The following IPO5 variants were observed in gnomAD, a reference collection of about 807,000 sequenced individuals.
The protein encoded by IPO5 is importin-5.
In IPO5, 18 loss-of-function variants were observed where a neutral mutation model predicts 143.3. The observed-to-expected ratio is 0.13, with a 90% CI of 0.09 to 0.19. The LOEUF is 0.19. Among genes scored for constraint, IPO5 ranks in the 10% least tolerant of loss-of-function variants. IPO5 has a pLI of 1.00. For missense variants in IPO5, 1,013 were observed against 1,336.9 expected, an observed-to-expected ratio of 0.76 and a Z score of 3.78; for synonymous variants, 477 against 465.7, an observed-to-expected ratio of 1.02 and a Z score of -0.31.
In IPO5 at chr13:98,015,704, CATTT is replaced by C; in HGVS notation, c.2438-17_2438-14del. 1 of 1,603,358 alleles carries C rather than the reference CATTT, an allele frequency of 6.2e-7. No homozygotes were observed. The highest frequency in any genetic ancestry group is 8.5e-7 in the Non-Finnish European group (1 of 1,171,952). ...TGACCATCTTGGCAATCATTTAAAA[CATTT>C]ATTTGGGTGTGTTTTAGTTAAAAGA... On this transcript the variant is annotated intron_variant, in intron 23 of 28. Transcript: ENST00000651721.
intron 3 of IPO5, among the ~76,000 whole-genome samples, chr13:97,975,262 T>A (rs1372690989): frequency 7.3e-6 from 1 of 137,458 alleles, no homozygotes; most frequent in Non-Finnish European, 1.6e-5. Flanking sequence ...CGGGGGGGGC[T>A]GGTATCGCCT....
intron 27 of IPO5, among the ~76,000 whole-genome samples, chr13:98,020,325 A>G (rs1224635204): frequency 1.3e-5 from 2 of 152,206 alleles, no homozygotes; most frequent in Non-Finnish European, 2.9e-5. Flanking sequence ...AAGGGCTACA[A>G]CCACTGCCAC....
intron 2 of IPO5, among the ~76,000 whole-genome samples, chr13:97,956,011 G>A (rs1884429184): frequency 2.0e-5 from 3 of 151,708 alleles, no homozygotes. Flanking sequence ...GGGCACCTGT[G>A]GTCCCAGCTA....
At chr13:98,006,392 T>G in intron 17 of IPO5, 44 bp downstream of exon 17, 2 of 882,080 alleles carry the variant, frequency 2.3e-6, no homozygotes, top group South Asian at 3.6e-5. Flanking sequence ...TTTTTTTTTT[T>G]GAGACAGAGT....
At chr13:97,999,048 G>C (rs1031390172) in intron 12 of IPO5, among the ~76,000 whole-genome samples, 12 of 152,058 alleles carry the variant, frequency 7.9e-5, no homozygotes, top group Admixed American at 7.2e-4. Flanking sequence ...GAAGCTAAGC[G>C]AGGAGAATCT....
At chr13:97,961,338 T>C (rs1445587033) in intron 2 of IPO5, among the ~76,000 whole-genome samples, 1 of 152,166 alleles carries the variant, frequency 6.6e-6, no homozygotes, top group African/African-American at 2.4e-5. Flanking sequence ...CTTGCACATA[T>C]ACCTAGGAGT....
Position 98,002,558 on chromosome 13 carries a change from C to A in IPO5, c.1200C>A (p.Ile400=). 1 of 1,613,742 alleles carries A rather than the reference C, an allele frequency of 6.2e-7. No homozygotes were observed. Among genetic ancestry groups the A allele is most frequent in the Admixed American group, 1.7e-5 (1 of 59,990 alleles). ...HQQMEGILNE[I]VNFVLLFLQD... is the part of the protein sequence containing the mutation. ...AAATGGAAGGAATTCTAAATGAGAT[C>A]GTAAATTTTGTTTTACTTTTTCTCC... The change falls in exon 14 of 29, where the codon ATC becomes ATA. Residue 400 remains isoleucine (I), a synonymous_variant. Coordinates refer to ENST00000651721, the MANE Select transcript of IPO5 (RefSeq NM_002271.6).
intron 12 of IPO5, among the ~76,000 whole-genome samples, chr13:97,998,015 G>A (rs1566525324): frequency 6.6e-6 from 1 of 152,152 alleles, no homozygotes; most frequent in Admixed American, 6.5e-5. Context: ...TCGCTGTGTC[G>A]CCCAGGCTGG....
In IPO5 at chr13:97,976,824, C is replaced by T. The variant is rs570843849; in HGVS notation, c.90+38C>T. The stretch of plus-strand genomic sequence containing the variant: ...GCCGCCCCAGTCTTCGCGCCCTGGC[C>T]GGCGCGCCGACCCTTTACCGACGCC... On this transcript the variant is annotated intron_variant, in intron 4 of 28. Coordinates refer to ENST00000651721, the MANE Select transcript of IPO5 (RefSeq NM_002271.6). The T allele has an allele frequency of 3.1e-6, 3 of 981,234 alleles. No individual in the cohort carries two copies. In the East Asian group the frequency reaches 2.0e-4, roughly 64 times the overall value. The allele number at this position is 981,234 out of a possible 1,614,324, so 60.8% of individuals were successfully genotyped here. A position where few individuals can be genotyped will look rare whatever the true frequency, so the allele number is the denominator to read the frequency against.
chr13:98,012,426 G>A (rs1889786173), intron 21 of IPO5, 84 bp downstream of exon 21: 2 of 833,954 alleles, frequency 2.4e-6, no homozygotes, highest in East Asian at 2.4e-5. Context: ...GTTGACTGAA[G>A]TAGACTTCAC....
intron 2 of IPO5, among the ~76,000 whole-genome samples, chr13:97,962,773 T>C (rs764459279): frequency 6.6e-6 from 1 of 151,468 alleles, no homozygotes; most frequent in African/African-American, 2.4e-5. Context: ...GAGCCAAGAT[T>C]GTGCCACTGC....
rs142171497 is a variant in IPO5, at chr13:97,973,143, A to G, written c.-5+3313A>G. Among the ~76,000 whole-genome samples, 63 of 148,562 alleles carry G rather than the reference A, an allele frequency of 4.2e-4. 1 individual carries two copies. The East Asian group carries it at 0.012, about 29-fold the overall frequency. ...CTGCAACCTCCGTCTCCTGGGTTCAAGCGATTCTCCTGCCTCAGCCTCCAG... is the reference window on the plus strand; with the variant it reads ...CTGCAACCTCCGTCTCCTGGGTTCAGGCGATTCTCCTGCCTCAGCCTCCAG... On this transcript the variant is annotated intron_variant, in intron 3 of 28. Transcript: ENST00000651721.
intron 25 of IPO5, among the ~76,000 whole-genome samples, chr13:98,017,099 A>AT (rs200795329): frequency 0.017 from 2,647 of 152,102 alleles, 95 homozygotes; most frequent in African/African-American, 0.061. Flanking sequence ...TATATAAGTG[A>AT]TTTTTTTTAT....
intron 9 of IPO5, 104 bp from the exon 10 acceptor site, chr13:97,992,788 A>C: frequency 8.4e-7 from 1 of 1,185,538 alleles, no homozygotes. Flanking sequence ...AGTGAAAAAT[A>C]GTTTAGTAAT....
chr13:98,000,329 T>C (rs16954707), intron 12 of IPO5, among the ~76,000 whole-genome samples: 2,893 of 152,178 alleles, frequency 0.019, 87 homozygotes, highest in African/African-American at 0.066. Flanking sequence ...CTTTCTAAAC[T>C]ATGGTGGATC....
chr13:97,983,114 A>T (rs1353354930), intron 5 of IPO5, among the ~76,000 whole-genome samples: 1 of 151,820 alleles, frequency 6.6e-6, no homozygotes, highest in Non-Finnish European at 1.5e-5. Flanking sequence ...CAAGTGATCC[A>T]CCCCCTTCAG....
At chr13:98,016,970 A>C (rs1890157256) in intron 25 of IPO5, 119 bp downstream of exon 25, 1 of 731,904 alleles carries the variant, frequency 1.4e-6, no homozygotes, top group South Asian at 2.6e-5. Context: ...TTTCCATTGT[A>C]CATCTTTGAT....
intron 3 of IPO5, among the ~76,000 whole-genome samples, chr13:97,971,110 G>A (rs913870791): frequency 2.0e-5 from 3 of 152,204 alleles, no homozygotes; most frequent in African/African-American, 7.2e-5. Flanking sequence ...CACATTGGCC[G>A]GCTCTGGAGC....
intron 2 of IPO5, among the ~76,000 whole-genome samples, chr13:97,955,283 A>G (rs1002720547): frequency 6.6e-6 from 1 of 151,886 alleles, no homozygotes; most frequent in African/African-American, 2.4e-5. Flanking sequence ...AAGTTCATGC[A>G]TGCTACTCTA....
Sources: allele counts gnomAD v4.1 joint callset (sites outside exome capture counted in the v4.1 genomes callset), GRCh38; gene constraint gnomAD v4.1.1; transcripts MANE v1.5; gene names NCBI Gene and HGNC (gene_info 2026-07-23, HGNC 2026-07-21).